The following M1AP variants were observed in gnomAD, a reference collection of about 807,000 sequenced individuals.
The protein encoded by M1AP is meiosis 1 associated protein.
M1AP carries 39 observed loss-of-function variants against 51.2 expected under a neutral mutation model. That is an observed-to-expected ratio of 0.76 (90% CI 0.59 to 1.00). The LOEUF is 1.00. Ranked by LOEUF, M1AP falls within the 50% of genes least tolerant of loss-of-function variation. The probability of loss-of-function intolerance (pLI) is 0.00; values close to 1 mark genes in which losing one functional copy is unlikely to be tolerated. For missense variants in M1AP, 545 were observed against 641.2 expected, an observed-to-expected ratio of 0.85 and a Z score of 1.62; for synonymous variants, 251 against 249.2, an observed-to-expected ratio of 1.01 and a Z score of -0.07.
chr2:74,647,546 G>GA lies in M1AP; in HGVS notation c.-53+718dup, dbSNP rs572866155. The GA allele has an allele frequency of 4.7e-4, 142 of 299,094 alleles. 3 individuals carry two copies. In the South Asian group the frequency reaches 0.018, roughly 37 times the overall value. 18.5% of individuals were successfully genotyped at this position (299,094 alleles called of 1,614,324 possible). Reference sequence around the variant, plus strand: ...ATCTCATTTCCCCCTCCTGATGTGAGAAAAAAATCAAAACACTTTCTTTGA... The same window carrying GA: ...ATCTCATTTCCCCCTCCTGATGTGAGAAAAAAAATCAAAACACTTTCTTTGA... On this transcript the variant is annotated intron_variant, in intron 1 of 10. Transcript: ENST00000421985.
chr2:74,561,791 G>T, intron 8 of M1AP: 1 of 656,922 alleles, frequency 1.5e-6, no homozygotes, highest in Non-Finnish European at 1.9e-6. Context: ...ACCTGCTGGT[G>T]TTGTGGCTTC....
intron 10 of M1AP, 80 bp downstream of exon 10, chr2:74,559,618 C>A: frequency 1.4e-6 from 1 of 714,556 alleles, no homozygotes; most frequent in Non-Finnish European, 2.6e-6. Flanking sequence ...GTCTTCAACC[C>A]CAGATAGTCA....
intron 10 of M1AP, 136 bp from the exon 11 acceptor site, chr2:74,559,010 G>T: frequency 1.2e-6 from 1 of 823,570 alleles, no homozygotes; most frequent in Non-Finnish European, 1.8e-6. Context: ...CGAGGACAGT[G>T]ATCTGGAGTC....
intron 3 of M1AP, among the ~76,000 whole-genome samples, chr2:74,614,092 C>T (rs1681524386): frequency 6.6e-6 from 1 of 152,136 alleles, no homozygotes; most frequent in African/African-American, 2.4e-5. Flanking sequence ...TCATCCTCTC[C>T]TAGAATTTTA....
chr2:74,607,566 C>T (rs535535454), intron 3 of M1AP, among the ~76,000 whole-genome samples: 23 of 152,278 alleles, frequency 1.5e-4, no homozygotes, highest in Admixed American at 1.0e-3. Context: ...CTCCGCCTTC[C>T]GGGGTCAAGT....
chr2:74,639,651 T>C (rs887124017), intron 2 of M1AP, among the ~76,000 whole-genome samples: 1 of 152,172 alleles, frequency 6.6e-6, no homozygotes, highest in Non-Finnish European at 1.5e-5. Flanking sequence ...GTCTTGGAAG[T>C]TAAAAGATGA....
chr2:74,625,592 C>T (rs926266717), intron 2 of M1AP, among the ~76,000 whole-genome samples: 7 of 152,156 alleles, frequency 4.6e-5, no homozygotes, highest in Admixed American at 4.6e-4. Context: ...TTCTCTTTTA[C>T]AGTGAGCACA....
rs1309810197 is a variant in M1AP at position 74,576,556 on chromosome 2, C to T, written c.832G>A (p.Asp278Asn). Reference protein sequence around the residue: ...LCPSLLAGTADGSLRMDDPKG... With the variant: ...LCPSLLAGTANGSLRMDDPKG... Reference sequence around the variant, plus strand: ...GGGTCATCCATTCTCAAGGAGCCGTCAGCTGTGCCAGCGAGTAGGGATGGG... The same window carrying T: ...GGGTCATCCATTCTCAAGGAGCCGTTAGCTGTGCCAGCGAGTAGGGATGGG... The change falls in exon 6 of 11, where the codon GAC becomes AAC. Residue 278 changes from aspartate to asparagine, a missense_variant. By Grantham distance (23) the Asp-to-Asn change is conservative. Transcript: ENST00000421985. 1 of 1,614,160 alleles carries T rather than the reference C, an allele frequency of 6.2e-7. No homozygotes were observed. Among genetic ancestry groups the T allele is most frequent in the African/African-American group, 1.3e-5 (1 of 75,056 alleles).
Position 74,620,180 on chromosome 2 carries a change from G to A in M1AP, c.241-5031C>T, listed in dbSNP as rs115929303. Among the ~76,000 whole-genome samples the A allele has an allele frequency of 2.6e-4, 39 of 152,258 alleles. No homozygotes were observed. The South Asian group carries it at 7.9e-3, about 31-fold the overall frequency. On this transcript the variant is annotated intron_variant, in intron 2 of 10. Transcript: ENST00000421985. ...TGACAAGGACGACATTCATTTAAAT[G>A]AGAATGAACCCTCCTAGATAATGTA...
chr2:74,584,830 T>TATA (rs1558660616), intron 4 of M1AP, among the ~76,000 whole-genome samples: 2 of 140,420 alleles, frequency 1.4e-5, no homozygotes, highest in East Asian at 2.0e-4. Flanking sequence ...ATATATATAT[T>TATA]TTATTATTAT....
At chr2:74,616,054 T>C (rs1681649977) in intron 2 of M1AP, among the ~76,000 whole-genome samples, 1 of 152,200 alleles carries the variant, frequency 6.6e-6, no homozygotes. Flanking sequence ...ACAGTTGATA[T>C]ATTCTTCTCT....
At chr2:74,610,000 C>A (rs1006682001) in intron 3 of M1AP, among the ~76,000 whole-genome samples, 1 of 150,600 alleles carries the variant, frequency 6.6e-6, no homozygotes, top group African/African-American at 2.5e-5. Flanking sequence ...TCTTACTTCA[C>A]TCTATTTTTT....
chr2:74,615,729 C>T (rs1681628229), intron 2 of M1AP: 1 of 152,998 alleles, frequency 6.5e-6, no homozygotes. Context: ...TTTGGTTCTC[C>T]TCATCTACCT....
In M1AP at chr2:74,558,704, G is replaced by A; in HGVS notation, c.*12C>T. ...TGGTTAAGCTGGGCAGCTGGGCTCT[G>A]GTGCTGGTGACTTAGGGCCTTGAGG... On this transcript the variant is annotated 3_prime_UTR_variant, in exon 11 of 11. Transcript: ENST00000421985. 6.2e-7 allele frequency: 1 copy of A among 1,611,484 alleles called. No individual in the cohort carries two copies. The highest frequency in any genetic ancestry group is 8.5e-7 in the Non-Finnish European group (1 of 1,178,978).
chr2:74,619,467 G>A (rs995489709), intron 2 of M1AP: 8 of 153,052 alleles, frequency 5.2e-5, no homozygotes, highest in African/African-American at 1.9e-4. Flanking sequence ...TGCTCTTCAT[G>A]CTCTAAAAGA....
At chr2:74,645,439 G>A (rs116472028) in intron 1 of M1AP, among the ~76,000 whole-genome samples, 2,229 of 152,242 alleles carry the variant, frequency 0.015, 65 homozygotes, top group African/African-American at 0.051. Flanking sequence ...GGTAGGAGGC[G>A]GGACTCAACT....
chr2:74,560,353 G>C (rs990827270), intron 8 of M1AP, 62 bp from the exon 9 acceptor site: 3 of 1,512,498 alleles, frequency 2.0e-6, no homozygotes, highest in Middle Eastern at 1.8e-4. Flanking sequence ...CAAGATGTCA[G>C]GTAGCGATCC....
chr2:74,607,323 T>C, intron 3 of M1AP, 100 bp from the exon 4 acceptor site: 1 of 1,184,716 alleles, frequency 8.4e-7, no homozygotes. Flanking sequence ...CATAAGTCTG[T>C]GGTGGTGGCT....
chr2:74,640,297 A>T lies in M1AP; in HGVS notation c.-22T>A. On this transcript the variant is annotated 5_prime_UTR_variant, in exon 2 of 11. Coordinates refer to ENST00000421985, the MANE Select transcript of M1AP (RefSeq NM_001321739.2). ...GCATGGCAGCAAAACCAGAGGGGGA[A>T]CTGTAGCCACCAGCTGGATATTCTT... 2 of 1,613,358 alleles carry T rather than the reference A, an allele frequency of 1.2e-6. No homozygotes were observed. Among genetic ancestry groups the T allele is most frequent in the South Asian group, 1.1e-5 (1 of 90,948 alleles).
Sources: gnomAD v4.1 joint callset for allele counts (sites outside exome capture counted in the v4.1 genomes callset) on GRCh38, gnomAD v4.1.1 for gene constraint, MANE v1.5 for transcripts, NCBI Gene and HGNC (gene_info 2026-07-23, HGNC 2026-07-21) for gene names.